The following CPVL variants were observed in gnomAD, a reference collection of about 807,000 sequenced individuals.
CPVL encodes the protein carboxypeptidase vitellogenic like.
CPVL carries 51 observed loss-of-function variants against 63.7 expected under a neutral mutation model. The ratio of observed to expected loss-of-function variants is 0.80; its 90% CI spans 0.64 to 1.01. The LOEUF (loss-of-function observed/expected upper bound fraction) is 1.01, where lower values mean the gene tolerates loss of function less well. CPVL is among the 50% of genes least tolerant of loss of function. The pLI is 0.00. For missense variants in CPVL, 530 were observed against 573.1 expected (o/e 0.92, Z 0.77); for synonymous variants, 195 against 206.0 (o/e 0.95, Z 0.46).
Position 29,103,642 on chromosome 7 carries a change from G to A in CPVL, c.289-7425C>T, listed in dbSNP as rs757417944. On this transcript the variant is annotated intron_variant, in intron 3 of 12. Transcript: ENST00000265394. ...AAGTGTTAGGGCAACATTTTGGACCGGAAAGTCACTTAAAGTAGACAGGCA... is the reference window on the plus strand; with the variant it reads ...AAGTGTTAGGGCAACATTTTGGACCAGAAAGTCACTTAAAGTAGACAGGCA... 9.9e-5 allele frequency among the ~76,000 whole-genome samples: 15 copies of A among 152,118 alleles called. No individual in the cohort carries two copies. The South Asian group carries it at 1.2e-3, about 13-fold the overall frequency.
At chr7:29,035,686 C>T (rs1025773966) in intron 11 of CPVL, among the ~76,000 whole-genome samples, 17 of 152,184 alleles carry the variant, frequency 1.1e-4, no homozygotes, top group Non-Finnish European at 2.9e-5. Flanking sequence ...CCCATAAAAC[C>T]GATGGACAAT....
intron 7 of CPVL, among the ~76,000 whole-genome samples, chr7:29,080,738 T>C (rs1784631731): frequency 6.6e-6 from 1 of 151,180 alleles, no homozygotes; most frequent in Non-Finnish European, 1.5e-5. Flanking sequence ...CCTAACCCAA[T>C]GGGCCATGAT....
chr7:29,095,701 C>T lies in CPVL; in HGVS notation c.403+402G>A, dbSNP rs150903741. Among the ~76,000 whole-genome samples, 353 of 152,084 alleles carry T rather than the reference C, an allele frequency of 2.3e-3. 5 individuals carry two copies. Among genetic ancestry groups the T allele is most frequent in the Non-Finnish European group, 5.4e-4 (37 of 68,008 alleles). ...AGCCCCCACCGGGAATAGCGTCTTG[C>T]TTCCAAGTTATCAGATAATGAGTGT... On this transcript the variant is annotated intron_variant, in intron 4 of 12. Transcript: ENST00000265394.
chr7:29,094,437 G>A (rs1482217930), intron 5 of CPVL, among the ~76,000 whole-genome samples: 1 of 152,076 alleles, frequency 6.6e-6, no homozygotes, highest in African/African-American at 2.4e-5. Flanking sequence ...AAGATTACAA[G>A]TTCTGACACT....
rs559040944 is a variant in CPVL at position 29,122,181 on chromosome 7, A to T, written c.-10-1110T>A. 5 of 152,320 alleles carry T rather than the reference A, an allele frequency of 3.3e-5. No individual in the cohort carries two copies. The East Asian group carries it at 9.6e-4, about 29-fold the overall frequency. The allele number at this position is 152,320 out of a possible 1,614,324, so 9.4% of individuals were successfully genotyped here. A position where few individuals can be genotyped will look rare whatever the true frequency, so the allele number is the denominator to read the frequency against. ...GGTATTTGTTAAAGCATGGAGACAA[A>T]GACTTTGTCAGGATAATGACAGGCA... is the stretch of plus-strand genomic sequence containing the variant. On this transcript the variant is annotated intron_variant, in intron 1 of 12. Transcript: ENST00000265394.
intron 1 of CPVL, among the ~76,000 whole-genome samples, chr7:29,187,535 C>G (rs1798865310): frequency 6.6e-6 from 1 of 152,018 alleles, no homozygotes; most frequent in Admixed American, 6.5e-5. Flanking sequence ...ACCAGCCTAG[C>G]CAACATGGAG....
intron 1 of CPVL, among the ~76,000 whole-genome samples, chr7:29,123,792 C>T (rs1199980586): frequency 6.7e-6 from 1 of 149,950 alleles, no homozygotes; most frequent in African/African-American, 2.5e-5. Context: ...ATCCCTAGCT[C>T]CCTTTAATGG....
chr7:29,194,699 C>T (rs1004618480), intron 1 of CPVL: 4 of 401,662 alleles, frequency 1.0e-5, no homozygotes, highest in Non-Finnish European at 1.7e-5. Flanking sequence ...CCCCCTGACA[C>T]CCATAGAAAA....
chr7:29,131,585 C>T (rs1584356194), intron 1 of CPVL, among the ~76,000 whole-genome samples: 1 of 152,164 alleles, frequency 6.6e-6, no homozygotes, highest in East Asian at 1.9e-4. Context: ...AATCTTGGCT[C>T]ACAGCAACTT....
chr7:29,014,259 A>C (rs1340012921), intron 12 of CPVL, among the ~76,000 whole-genome samples: 1 of 152,186 alleles, frequency 6.6e-6, no homozygotes, highest in Non-Finnish European at 1.5e-5. Context: ...ATCATTGTAG[A>C]AGGCGACTGC....
At chr7:29,132,398 A>G (rs1243762802) in intron 1 of CPVL, among the ~76,000 whole-genome samples, 3 of 152,180 alleles carry the variant, frequency 2.0e-5, no homozygotes, top group Non-Finnish European at 4.4e-5. Context: ...GAAGTCCAAC[A>G]GTGTAACACT....
chr7:29,050,057 G>C (rs1789994487), intron 11 of CPVL, among the ~76,000 whole-genome samples: 2 of 151,688 alleles, frequency 1.3e-5, no homozygotes, highest in African/African-American at 4.8e-5. Context: ...TACTGAATAG[G>C]GAAAAGTTGA....
At chr7:29,041,603 T>G (rs1417819034) in intron 11 of CPVL, among the ~76,000 whole-genome samples, 2 of 152,190 alleles carry the variant, frequency 1.3e-5, no homozygotes. Context: ...TTAAATATAT[T>G]TAATTAACAA....
chr7:29,066,067 T>C lies in CPVL; in HGVS notation c.919A>G (p.Asn307Asp). The change falls in exon 10 of 13, where the codon AAT becomes GAT. Residue 307 changes from asparagine to aspartate, a missense_variant. Physicochemically the swap from Asn to Asp is conservative, Grantham distance 23. Coordinates refer to ENST00000265394, the MANE Select transcript of CPVL (RefSeq NM_031311.5). ...TAGTAATTACTACATCCTGTAACAT[T>C]CTGGAAGTAAGAAGGATCACTTGTT... ...DLTSDPSYFQ[N>D]VTGCSNYYNF... 2 of 1,609,400 alleles carry C rather than the reference T, an allele frequency of 1.2e-6. No homozygotes were observed. Among genetic ancestry groups the C allele is most frequent in the Non-Finnish European group, 1.7e-6 (2 of 1,176,888 alleles).
intron 7 of CPVL, among the ~76,000 whole-genome samples, chr7:29,082,150 ATTTT>A (rs544206120): frequency 4.6e-5 from 7 of 151,554 alleles, no homozygotes; most frequent in Non-Finnish European, 8.8e-5. Context: ...ATCTAGAACA[ATTTT>A]TTTTTGTGTG....
intron 12 of CPVL, among the ~76,000 whole-genome samples, chr7:28,997,166 G>A (rs892063049): frequency 5.3e-5 from 8 of 152,222 alleles, no homozygotes; most frequent in Non-Finnish European, 7.3e-5. Flanking sequence ...ACTGAGTGTT[G>A]GGAAGTTACA....
At chr7:29,137,266 G>A (rs745498356) in intron 1 of CPVL, among the ~76,000 whole-genome samples, 8 of 152,196 alleles carry the variant, frequency 5.3e-5, no homozygotes, top group Non-Finnish European at 1.0e-4. Context: ...TCTTGCAAGA[G>A]AGGGGCATCT....
chr7:29,186,561 A>T (rs1439846398), intron 1 of CPVL: 1 of 151,578 alleles, frequency 6.6e-6, no homozygotes, highest in Non-Finnish European at 1.5e-5. Flanking sequence ...CGTGACAGAG[A>T]TGAAAGGAAA....
intron 11 of CPVL, among the ~76,000 whole-genome samples, chr7:29,041,302 C>A (rs1034756140): frequency 1.3e-5 from 2 of 152,006 alleles, no homozygotes; most frequent in Non-Finnish European, 2.9e-5. Context: ...GTCTTGAACA[C>A]CGGACCTCAA....
Sources: gnomAD v4.1 joint callset for allele counts (sites outside exome capture counted in the v4.1 genomes callset) on GRCh38, gnomAD v4.1.1 for gene constraint, MANE v1.5 for transcripts, NCBI Gene and HGNC (gene_info 2026-07-23, HGNC 2026-07-21) for gene names.